GRID2: variants seen among roughly 807,000 people sequenced by gnomAD.
GRID2 encodes the protein glutamate receptor ionotropic, delta-2.
In GRID2, 33 loss-of-function variants were observed where a neutral mutation model predicts 114.8. The ratio of observed to expected loss-of-function variants is 0.29; its 90% CI spans 0.22 to 0.38. The LOEUF is 0.38. Ranked by LOEUF, GRID2 falls within the 10% of genes least tolerant of loss-of-function variation. The probability of loss-of-function intolerance (pLI) is 1.00; values close to 1 mark genes in which losing one functional copy is unlikely to be tolerated. For missense variants in GRID2, 1,184 were observed against 1,257.7 expected, an observed-to-expected ratio of 0.94 and a Z score of 0.89; for synonymous variants, 505 against 449.9, an observed-to-expected ratio of 1.12 and a Z score of -1.55.
chr4:93,677,704 A>C (rs1169953325), intron 14 of GRID2, among the ~76,000 whole-genome samples: 1 of 152,180 alleles, frequency 6.6e-6, no homozygotes, highest in Non-Finnish European at 1.5e-5. Context: ...ACTCCAACAG[A>C]CCTGCAACAG....
chr4:93,688,049 T>C (rs4692986), intron 14 of GRID2, among the ~76,000 whole-genome samples: 66,041 of 151,506 alleles, frequency 0.44, 14,855 homozygotes, highest in East Asian at 0.72. Context: ...TGCAACTGGG[T>C]TGGATGGCAG....
In GRID2 at chr4:92,590,532, AG is replaced by A. The variant is rs35201083; in HGVS notation, c.244+247del. Reference sequence around the variant, plus strand: ...AAATGAACAAATATTTACATGTAAAAGCTTTGCAACATTTTTATGACTTCAG... The same window carrying A: ...AAATGAACAAATATTTACATGTAAAACTTTGCAACATTTTTATGACTTCAG... On this transcript the variant is annotated intron_variant, in intron 2 of 15. Transcript: ENST00000282020. 0.27 allele frequency among the ~76,000 whole-genome samples: 40,669 copies of A among 152,056 alleles called. 5,588 individuals carry two copies. Among genetic ancestry groups the A allele is most frequent in the Middle Eastern group, 0.37 (108 of 294 alleles).
intron 1 of GRID2, among the ~76,000 whole-genome samples, chr4:92,485,716 A>G (rs1220082827): frequency 6.6e-6 from 1 of 151,836 alleles, no homozygotes; most frequent in Non-Finnish European, 1.5e-5. Context: ...AAAATGAGAG[A>G]GAGAAAAACA....
chr4:92,512,600 C>T (rs1724309282), intron 1 of GRID2, among the ~76,000 whole-genome samples: 1 of 151,596 alleles, frequency 6.6e-6, no homozygotes, highest in South Asian at 2.1e-4. Flanking sequence ...ATTTTGGGGT[C>T]CTAGGTAGGT....
At chr4:93,346,829 T>A (rs1054712096) in intron 8 of GRID2, among the ~76,000 whole-genome samples, 3 of 152,158 alleles carry the variant, frequency 2.0e-5, no homozygotes, top group African/African-American at 7.2e-5. Flanking sequence ...CTTGGGTAAA[T>A]GTTAGAATAT....
Position 93,224,884 on chromosome 4 carries a change from T to G in GRID2, c.1125+109T>G, listed in dbSNP as rs546802285. On this transcript the variant is annotated intron_variant, in intron 7 of 15. Transcript: ENST00000282020. ...TCTACAAATTCTAAGCACAAAACAG[T>G]GTAATGGGGAAATTAAATATTGAAA... is the stretch of plus-strand genomic sequence containing the variant. The G allele has an allele frequency of 6.9e-5, 50 of 725,110 alleles. 1 individual carries two copies. Among genetic ancestry groups the G allele is most frequent in the Admixed American group, 5.5e-4 (18 of 32,776 alleles). The allele number at this position is 725,110 out of a possible 1,614,324, so 44.9% of individuals were successfully genotyped here.
chr4:93,644,577 C>T (rs1210055993), intron 14 of GRID2, among the ~76,000 whole-genome samples: 3 of 152,140 alleles, frequency 2.0e-5, no homozygotes, highest in African/African-American at 4.8e-5. Flanking sequence ...AAAAAACCAT[C>T]GTGGCCCTTC....
rs1732310393 is a variant in GRID2, at chr4:92,657,635, GAAAAACA to G, written c.244+67354_244+67360del. Among the ~76,000 whole-genome samples the G allele has an allele frequency of 2.0e-5, 3 of 150,838 alleles. No homozygotes were observed. In the South Asian group the frequency reaches 6.3e-4, roughly 32 times the overall value. ...TTAACTTTATCAGTATCTGAAAGAG[GAAAAACA>G]AAAAGCAAAAAACAAAATTAAAAAA... On this transcript the variant is annotated intron_variant, in intron 2 of 15. Transcript: ENST00000282020.
At chr4:93,320,672 G>A (rs1323319382) in intron 8 of GRID2, among the ~76,000 whole-genome samples, 1 of 151,906 alleles carries the variant, frequency 6.6e-6, no homozygotes, top group African/African-American at 2.4e-5. Context: ...GTAAGAGGAA[G>A]ACATGAGTCA....
At chr4:92,820,784 G>T (rs1312041657) in intron 2 of GRID2, among the ~76,000 whole-genome samples, 2 of 151,794 alleles carry the variant, frequency 1.3e-5, no homozygotes, top group Non-Finnish European at 2.9e-5. Flanking sequence ...TTAATTTCAG[G>T]TTCAATTTTT....
chr4:93,224,342 C>T (rs182044228), intron 6 of GRID2, among the ~76,000 whole-genome samples: 3 of 152,276 alleles, frequency 2.0e-5, no homozygotes, highest in South Asian at 2.1e-4. Flanking sequence ...CACTAACAGC[C>T]TTATCTCTGT....
chr4:92,801,695 A>G (rs1740180411), intron 2 of GRID2, among the ~76,000 whole-genome samples: 1 of 151,956 alleles, frequency 6.6e-6, no homozygotes, highest in African/African-American at 2.4e-5. Context: ...ATATAAGCAT[A>G]TGGTAAATTT....
intron 2 of GRID2, among the ~76,000 whole-genome samples, chr4:92,865,361 T>C (rs1291760986): frequency 6.6e-6 from 1 of 152,210 alleles, no homozygotes; most frequent in Non-Finnish European, 1.5e-5. Context: ...AAATACAAGG[T>C]CTTTTTTACT....
At chr4:92,604,828 T>G (rs1729377237) in intron 2 of GRID2, among the ~76,000 whole-genome samples, 1 of 152,088 alleles carries the variant, frequency 6.6e-6, no homozygotes, top group African/African-American at 2.4e-5. Context: ...GTTGATATAG[T>G]TAGGCTTCCT....
At chr4:93,434,808 C>T (rs1021865929) in intron 10 of GRID2, among the ~76,000 whole-genome samples, 1 of 152,132 alleles carries the variant, frequency 6.6e-6, no homozygotes, top group Admixed American at 6.5e-5. Context: ...ACATAATCTG[C>T]CCAATCAATT....
chr4:92,411,655 G>GTGTGTGTGTGTATATATATATATA, intron 1 of GRID2, among the ~76,000 whole-genome samples: 5 of 84,720 alleles, frequency 5.9e-5, no homozygotes, highest in African/African-American at 2.3e-4. Flanking sequence ...GTGTGTGTGT[G>GTGTGTGTGTGTATATATATATATA]TATATATATA....
At chr4:93,426,084 G>C (rs954518634) in intron 10 of GRID2, among the ~76,000 whole-genome samples, 1 of 152,126 alleles carries the variant, frequency 6.6e-6, no homozygotes. Flanking sequence ...GTAAGGAATG[G>C]AGAAGAGTAG....
At chr4:92,833,236 T>C (rs1295415480) in intron 2 of GRID2, among the ~76,000 whole-genome samples, 2 of 152,146 alleles carry the variant, frequency 1.3e-5, no homozygotes, top group East Asian at 3.9e-4. Flanking sequence ...TGTAATAAAA[T>C]CATCTGACAT....
chr4:92,394,499 G>T (rs1385413692), intron 1 of GRID2, among the ~76,000 whole-genome samples: 1 of 151,860 alleles, frequency 6.6e-6, no homozygotes, highest in Admixed American at 6.6e-5. Context: ...TTTGGAGTCT[G>T]TTGTTCACTG....
Sources: gnomAD v4.1 joint callset for allele counts (sites outside exome capture counted in the v4.1 genomes callset) on GRCh38, gnomAD v4.1.1 for gene constraint, MANE v1.5 for transcripts, NCBI Gene and HGNC (gene_info 2026-07-23, HGNC 2026-07-21) for gene names.